Variants in UBE2R2 observed in about 807,000 individuals in gnomAD.
The protein encoded by UBE2R2 is ubiquitin conjugating enzyme E2 R2, also known as ubiquitin-conjugating enzyme E2 R2.
Under a neutral mutation model 27.8 loss-of-function variants are expected in UBE2R2, and 1 was observed. The ratio of observed to expected loss-of-function variants is 0.04; its 90% confidence interval spans 0.01 to 0.17. The LOEUF (loss-of-function observed/expected upper bound fraction) is 0.17. Among genes scored for constraint, UBE2R2 ranks in the 10% least tolerant of loss-of-function variants. The pLI is 1.00. For synonymous variants in UBE2R2, 106 were observed against 113.3 expected, an observed-to-expected ratio of 0.94 and a Z score of 0.41; for missense variants, 100 against 291.0, an observed-to-expected ratio of 0.34 and a Z score of 4.78.
At chr9:33,909,621 A>G (rs911925343) in intron 3 of UBE2R2, among the ~76,000 whole-genome samples, 7 of 151,882 alleles carry the variant, frequency 4.6e-5, no homozygotes, top group Non-Finnish European at 2.9e-5. Context: ...GGGTTTCACC[A>G]TGTTAGCCAG....
chr9:33,892,125 A>G (rs886244679), intron 2 of UBE2R2, among the ~76,000 whole-genome samples: 8 of 152,052 alleles, frequency 5.3e-5, no homozygotes, highest in East Asian at 2.0e-4. Context: ...TGCACAATCT[A>G]TTTCCTTTCT....
intron 1 of UBE2R2, among the ~76,000 whole-genome samples, chr9:33,875,211 C>T (rs1440100052): frequency 1.3e-5 from 2 of 152,156 alleles, no homozygotes; most frequent in African/African-American, 4.8e-5. Flanking sequence ...ACTATTATCA[C>T]AACTATAAAA....
intron 1 of UBE2R2, among the ~76,000 whole-genome samples, chr9:33,873,160 GCAAGA>G (rs957583307): frequency 8.1e-6 from 1 of 123,066 alleles, no homozygotes; most frequent in African/African-American, 3.1e-5. Flanking sequence ...GAGCGACAGA[GCAAGA>G]CTCCGTCTTA....
At chr9:33,848,999 G>C (rs1310389490) in intron 1 of UBE2R2, among the ~76,000 whole-genome samples, 4 of 151,780 alleles carry the variant, frequency 2.6e-5, no homozygotes, top group African/African-American at 7.3e-5. Flanking sequence ...GCTCACGCCT[G>C]TAATCCCAGT....
intron 1 of UBE2R2, among the ~76,000 whole-genome samples, chr9:33,861,892 C>T (rs1405483983): frequency 7.3e-6 from 1 of 137,306 alleles, no homozygotes; most frequent in Admixed American, 8.0e-5. Flanking sequence ...CTCACACTGT[C>T]GCCCGGGCTG....
chr9:33,895,576 G>T (rs1256727590), intron 2 of UBE2R2, among the ~76,000 whole-genome samples: 1 of 152,100 alleles, frequency 6.6e-6, no homozygotes, highest in African/African-American at 2.4e-5. Context: ...GTCAATAACT[G>T]TAAAATGGGA....
At chr9:33,863,337 C>T (rs1821287744) in intron 1 of UBE2R2, among the ~76,000 whole-genome samples, 1 of 151,680 alleles carries the variant, frequency 6.6e-6, no homozygotes, top group South Asian at 2.1e-4. Flanking sequence ...CATGGTGAAA[C>T]CCCATCTCTA....
intron 1 of UBE2R2, among the ~76,000 whole-genome samples, chr9:33,825,709 A>G (rs1200762750): frequency 6.6e-6 from 1 of 152,238 alleles, no homozygotes; most frequent in Non-Finnish European, 1.5e-5. Flanking sequence ...GAAAAATAAC[A>G]GTGAGGAAAA....
At chr9:33,849,819 A>G (rs1252666170) in intron 1 of UBE2R2, among the ~76,000 whole-genome samples, 1 of 151,868 alleles carries the variant, frequency 6.6e-6, no homozygotes, top group Non-Finnish European at 1.5e-5. Flanking sequence ...CCAAGATCTT[A>G]CTACTGCGCT....
intron 1 of UBE2R2, among the ~76,000 whole-genome samples, chr9:33,853,590 T>C (rs986263835): frequency 2.6e-5 from 4 of 151,898 alleles, no homozygotes; most frequent in Non-Finnish European, 5.9e-5. Flanking sequence ...CAGCCTATCT[T>C]TTCTATTTTA....
At chr9:33,892,898 A>G (rs557541769) in intron 2 of UBE2R2, among the ~76,000 whole-genome samples, 2 of 151,542 alleles carry the variant, frequency 1.3e-5, no homozygotes, top group Admixed American at 6.6e-5. Flanking sequence ...CTAGAGTCCA[A>G]TAACTTCCTT....
intron 1 of UBE2R2, among the ~76,000 whole-genome samples, chr9:33,835,247 A>G (rs1228538742): frequency 6.7e-6 from 1 of 149,868 alleles, no homozygotes; most frequent in African/African-American, 2.4e-5. Context: ...TCCAGGTTCA[A>G]GTGATTCTCT....
chr9:33,844,554 T>C (rs898808422), intron 1 of UBE2R2, among the ~76,000 whole-genome samples: 1 of 144,674 alleles, frequency 6.9e-6, no homozygotes, highest in Non-Finnish European at 1.5e-5. Context: ...TCAGTTGTAA[T>C]GTTTCTTTAG....
At chr9:33,851,147 A>AG (rs1321027714) in intron 1 of UBE2R2, among the ~76,000 whole-genome samples, 16 of 152,162 alleles carry the variant, frequency 1.1e-4, no homozygotes, top group African/African-American at 3.9e-4. Flanking sequence ...ATCCTTTGGT[A>AG]GGCACTCTTT....
At chr9:33,870,230 C>T (rs1033781774) in intron 1 of UBE2R2, among the ~76,000 whole-genome samples, 2 of 152,060 alleles carry the variant, frequency 1.3e-5, no homozygotes, top group Non-Finnish European at 2.9e-5. Context: ...GCCACCTCTG[C>T]CTCCTGGGTT....
chr9:33,837,295 TG>T (rs1182649714), intron 1 of UBE2R2, among the ~76,000 whole-genome samples: 3 of 152,156 alleles, frequency 2.0e-5, no homozygotes, highest in African/African-American at 7.2e-5. Flanking sequence ...CAAGGCTCAC[TG>T]CAGCCTCAGC....
chr9:33,823,113 C>T (rs191384786), intron 1 of UBE2R2, among the ~76,000 whole-genome samples: 241 of 151,754 alleles, frequency 1.6e-3, no homozygotes, highest in African/African-American at 5.4e-3. Flanking sequence ...GCCATGTTGG[C>T]CAGGCTGGTC....
rs1054725995 is a variant in UBE2R2 at position 33,901,983 on chromosome 9, G to A, written c.362+1712G>A. Among the ~76,000 whole-genome samples, 48 of 149,274 alleles carry A rather than the reference G, an allele frequency of 3.2e-4. 1 individual carries two copies. The highest frequency in any genetic ancestry group is 2.5e-3 in the Admixed American group (37 of 14,914). ...GGCTGGAATGAAGCGGCGCGGTCACGGCTCAGCACAGCCTCAACCTCCCGG... is the reference window on the plus strand; with the variant it reads ...GGCTGGAATGAAGCGGCGCGGTCACAGCTCAGCACAGCCTCAACCTCCCGG... On this transcript the variant is annotated intron_variant, in intron 3 of 4. Transcript: ENST00000263228.
At chr9:33,859,702 G>C (rs1170337119) in intron 1 of UBE2R2, among the ~76,000 whole-genome samples, 1 of 150,144 alleles carries the variant, frequency 6.7e-6, no homozygotes, top group Non-Finnish European at 1.5e-5. Context: ...AATATGATTT[G>C]GTTATTTAAA....
Sources: gnomAD v4.1 joint callset for allele counts (sites outside exome capture counted in the v4.1 genomes callset) on GRCh38, gnomAD v4.1.1 for gene constraint, MANE v1.5 for transcripts, NCBI Gene and HGNC (gene_info 2026-07-23, HGNC 2026-07-21) for gene names.